The following ARMCX4 variants were observed in gnomAD, a reference collection of about 807,000 sequenced individuals.
The protein encoded by ARMCX4 is armadillo repeat-containing X-linked protein 4.
In ARMCX4, 3 loss-of-function variants were observed where a neutral mutation model predicts 34.7. That is an observed-to-expected ratio of 0.09 (90% confidence interval 0.04 to 0.22). ARMCX4 has a LOEUF of 0.22. Ranked by LOEUF, ARMCX4 falls within the 10% of genes least tolerant of loss-of-function variation. The probability of loss-of-function intolerance (pLI) is 1.00; values close to 1 mark genes in which losing one functional copy is unlikely to be tolerated. For missense variants in ARMCX4, 1,448 were observed against 1,720.8 expected (o/e 0.84, Z 2.81); for synonymous variants, 513 against 632.8 (o/e 0.81, Z 2.84).
At chrX:101,531,392 A>T (rs1438353904) in intron 11 of ARMCX4, among the ~76,000 whole-genome samples, 5 of 112,148 alleles carry the variant, frequency 4.5e-5, no homozygotes, top group African/African-American at 1.6e-4. Flanking sequence ...AATAATTCTT[A>T]TACAATTTAA....
chrX:101,482,003 G>A (rs1349733196), upstream of ARMCX4, among the ~76,000 whole-genome samples: 2 of 111,522 alleles, frequency 1.8e-5, no homozygotes, highest in African/African-American at 6.5e-5. Context: ...AGAGGCCCAG[G>A]TGGTTGGATC....
Position 101,492,147 on chromosome X carries a change from G to A in ARMCX4, c.3558G>A (p.Gln1186=), listed in dbSNP as rs1603212477. Residue 1186 remains glutamine, a synonymous_variant, in exon 6 of 6, where the codon CAG becomes CAA. Coordinates refer to ENST00000423738, the MANE Select transcript of ARMCX4 (RefSeq NM_001256155.3). ...GGACTTGGGCTAGAGCTGGGGAGCA[G>A]GCCAGTGGAGGGCTCTGGGCTGGGG... The part of the protein sequence containing the change: ...GIGTWARAGE[Q]ASGGLWAGGQ... The A allele has an allele frequency of 8.7e-7, 1 of 1,151,093 alleles. No individual in the cohort carries two copies. Among genetic ancestry groups the A allele is most frequent in the African/African-American group, 1.8e-5 (1 of 55,157 alleles). The allele number at this position is 1,151,093 out of a possible 1,213,427, so 94.9% of individuals were successfully genotyped here.
chrX:101,495,210 A>T lies in ARMCX4; in HGVS notation c.6621A>T (p.Thr2207=), dbSNP rs1934150993. ...ACTTGCTCATTGCCAATGCACCAAC[A>T]TCACTGATTAACATTTTTAGCAAGA... ...TKDLLIANAP[T]SLINIFSKKE... is the part of the protein sequence containing the mutation. The change falls in exon 6 of 6, where the codon ACA becomes ACT. Residue 2207 remains threonine, a synonymous_variant. Transcript: ENST00000423738. 6 of 1,149,496 alleles carry T rather than the reference A, an allele frequency of 5.2e-6. No individual in the cohort carries two copies. In the East Asian group the frequency reaches 2.0e-4, roughly 37 times the overall value. 94.7% of individuals were successfully genotyped at this position (1,149,496 alleles called of 1,213,427 possible).
chrX:101,418,681 T>C (rs1929043669), intron 1 of ARMCX4: 1 of 110,587 alleles, frequency 9.0e-6, no homozygotes, highest in Non-Finnish European at 1.9e-5. Context: ...GTCCAGCTTC[T>C]CGCGCCAGGG....
At chrX:101,432,901 T>C (rs1555992658) in intron 2 of ARMCX4, among the ~76,000 whole-genome samples, 2 of 25,860 alleles carry the variant, frequency 7.7e-5, no homozygotes, top group South Asian at 4.2e-3. Context: ...TATATACGTG[T>C]ATATACACAC....
At chrX:101,526,167 G>A in intron 11 of ARMCX4, among the ~76,000 whole-genome samples, 1 of 111,965 alleles carries the variant, frequency 8.9e-6, no homozygotes, top group Non-Finnish European at 1.9e-5. Flanking sequence ...GAAGAGAGTG[G>A]GGGCCAATAT....
chrX:101,438,562 TC>T (rs200597344), intron 2 of ARMCX4, among the ~76,000 whole-genome samples: 19 of 108,561 alleles, frequency 1.8e-4, no homozygotes, highest in African/African-American at 5.0e-4. Flanking sequence ...GAGATTCTGT[TC>T]CCCCCCCAAA....
At chrX:101,525,713 G>C (rs1417904438) in intron 11 of ARMCX4, among the ~76,000 whole-genome samples, 1 of 110,897 alleles carries the variant, frequency 9.0e-6, no homozygotes. Flanking sequence ...GTGGAAGAAA[G>C]GGTACCGATT....
At chrX:101,429,020 G>A (rs139851474) in intron 2 of ARMCX4, among the ~76,000 whole-genome samples, 13 of 108,559 alleles carry the variant, frequency 1.2e-4, no homozygotes, top group African/African-American at 3.0e-4. Context: ...CACCATGCCC[G>A]GCTAATTTTT....
rs1400272004 is a variant in ARMCX4, at chrX:101,489,481, G to A, written c.892G>A (p.Val298Ile). The A allele has an allele frequency of 8.7e-7, 1 of 1,153,793 alleles. No individual in the cohort carries two copies. Among genetic ancestry groups the A allele is most frequent in the African/African-American group, 1.8e-5 (1 of 55,615 alleles). ...IQGDDMPGTGVEDMGNCKTMS... is the reference protein window; with the variant it reads ...IQGDDMPGTGIEDMGNCKTMS... ...GGGTGATGACATGCCTGGTACTGGG[G>A]TTGAGGACATGGGGAATTGTAAAAC... The change falls in exon 6 of 6, where the codon GTT becomes ATT. Residue 298 changes from valine (V) to isoleucine (I), a missense_variant. By Grantham distance (29) the Val-to-Ile change is conservative. Around this residue, in one of 2 missense-constraint regions of ARMCX4, gnomAD observed 1,343 missense variants for 1,540.7 expected, o/e 0.87. Coordinates refer to ENST00000423738, the MANE Select transcript of ARMCX4 (RefSeq NM_001256155.3).
In ARMCX4 at chrX:101,488,811, A is replaced by C; in HGVS notation, c.222A>C (p.Gly74=). 8.6e-7 allele frequency: 1 copy of C among 1,156,374 alleles called. No individual in the cohort carries two copies. The highest frequency in any genetic ancestry group is 1.1e-6 in the Non-Finnish European group (1 of 873,092). ...EIKTKPQVEI[G]AETGARSGPR... ...AGACTAAACCCCAAGTCGAGATTGGAGCAGAAACTGGAGCAAGAAGTGGGC... is the reference window on the plus strand; with the variant it reads ...AGACTAAACCCCAAGTCGAGATTGGCGCAGAAACTGGAGCAAGAAGTGGGC... The change falls in exon 6 of 6, where the codon GGA becomes GGC. Residue 74 remains glycine, a synonymous_variant. Coordinates refer to ENST00000423738, the MANE Select transcript of ARMCX4 (RefSeq NM_001256155.3).
intron 2 of ARMCX4, among the ~76,000 whole-genome samples, chrX:101,433,374 G>A (rs912927374): frequency 1.0e-5 from 1 of 98,167 alleles, no homozygotes; most frequent in Non-Finnish European, 2.0e-5. Flanking sequence ...ATAAACATAT[G>A]TACATATATG....
At chrX:101,425,556 A>G (rs1474383497) in intron 2 of ARMCX4, among the ~76,000 whole-genome samples, 2 of 108,894 alleles carry the variant, frequency 1.8e-5, no homozygotes, top group East Asian at 5.9e-4. Context: ...ACCATGCCCG[A>G]CTAATTTTTT....
At chrX:101,511,732 C>A (rs782612963) in intron 11 of ARMCX4, among the ~76,000 whole-genome samples, 4 of 109,692 alleles carry the variant, frequency 3.6e-5, no homozygotes, top group African/African-American at 1.0e-4. Flanking sequence ...CTCAAGTGAC[C>A]CTCCCACCTC....
chrX:101,433,116 ATG>A (rs782811815), intron 2 of ARMCX4, among the ~76,000 whole-genome samples: 23 of 108,473 alleles, frequency 2.1e-4, no homozygotes, highest in Middle Eastern at 5.4e-3. Context: ...ACGTATACAC[ATG>A]TATGTATACA....
At chrX:101,468,023 A>G (rs1263401393) in intron 4 of ARMCX4, among the ~76,000 whole-genome samples, 3 of 112,098 alleles carry the variant, frequency 2.7e-5, no homozygotes, top group Admixed American at 9.4e-5. Flanking sequence ...AGTATGTACA[A>G]TATGATCCTT....
chrX:101,456,086 G>A (rs112824914), intron 4 of ARMCX4, among the ~76,000 whole-genome samples: 80 of 111,520 alleles, frequency 7.2e-4, no homozygotes, highest in African/African-American at 2.4e-3. Flanking sequence ...TACCCGGGTT[G>A]ATTCCATGTC....
chrX:101,446,953 C>CA (rs140484288), downstream of ARMCX4, among the ~76,000 whole-genome samples: 29 of 96,143 alleles, frequency 3.0e-4, no homozygotes, highest in East Asian at 1.0e-3. Context: ...GACTCCGTCT[C>CA]AAAAAAAAAA....
At chrX:101,423,570 T>C (rs1199907982) in intron 2 of ARMCX4, among the ~76,000 whole-genome samples, 6 of 109,334 alleles carry the variant, frequency 5.5e-5, no homozygotes, top group Admixed American at 2.0e-4. Flanking sequence ...TGAGCTGAGA[T>C]CACGCCATTG....
Sources: allele counts gnomAD v4.1 joint callset (sites outside exome capture counted in the v4.1 genomes callset), GRCh38; gene constraint gnomAD v4.1.1; regional missense constraint gnomAD v4.1.1; transcripts MANE v1.5; gene names NCBI Gene and HGNC (gene_info 2026-07-23, HGNC 2026-07-21).